Variants in MARCHF1 observed in about 807,000 individuals in gnomAD.
MARCHF1 encodes E3 ubiquitin-protein ligase MARCHF1.
In MARCHF1, 40 loss-of-function variants were observed where a neutral mutation model predicts 54.2. The ratio of observed to expected loss-of-function variants is 0.74; its 90% CI spans 0.57 to 0.96. The LOEUF (loss-of-function observed/expected upper bound fraction) is 0.96. MARCHF1 is among the 40% of genes least tolerant of loss of function. The pLI is 0.00. For missense variants in MARCHF1, 586 were observed against 656.5 expected (o/e 0.89, Z 1.17); for synonymous variants, 236 against 236.3 (o/e 1.00, Z 0.01).
intron 1 of MARCHF1, among the ~76,000 whole-genome samples, chr4:164,161,067 C>T (rs1368402078): frequency 6.6e-6 from 1 of 152,082 alleles, no homozygotes; most frequent in Non-Finnish European, 1.5e-5. Flanking sequence ...GGATGTGTGT[C>T]CCCTCCAAAT....
At chr4:163,632,338 G>A (rs920383144) in intron 5 of MARCHF1, among the ~76,000 whole-genome samples, 1 of 152,172 alleles carries the variant, frequency 6.6e-6, no homozygotes, top group African/African-American at 2.4e-5. Context: ...GAGGTACCGG[G>A]TTCATCTCAC....
intron 4 of MARCHF1, among the ~76,000 whole-genome samples, chr4:163,822,149 G>A (rs1457898406): frequency 6.6e-6 from 1 of 151,656 alleles, no homozygotes; most frequent in Non-Finnish European, 1.5e-5. Context: ...TGATTTCTAA[G>A]TTGAGAACCT....
chr4:163,914,919 G>A (rs556513985), intron 3 of MARCHF1, among the ~76,000 whole-genome samples: 11 of 152,198 alleles, frequency 7.2e-5, no homozygotes, highest in East Asian at 3.9e-4. Flanking sequence ...TCGAGCTGCC[G>A]TGTTTTATAA....
intron 1 of MARCHF1, among the ~76,000 whole-genome samples, chr4:164,333,379 C>T (rs978071254): frequency 6.6e-6 from 1 of 152,098 alleles, no homozygotes; most frequent in South Asian, 2.1e-4. Context: ...CTATCAGCAC[C>T]ATTTTTCAAA....
Position 164,101,775 on chromosome 4 carries a change from C to T in MARCHF1, c.-248+9813G>A, listed in dbSNP as rs975280182. 2.0e-3 allele frequency among the ~76,000 whole-genome samples: 299 copies of T among 148,570 alleles called. 1 individual carries two copies. Among genetic ancestry groups the T allele is most frequent in the African/African-American group, 6.7e-3 (273 of 40,732 alleles). ...AAAGCTGGATGGAGAATGACTTTGACGAGCTGAGAGAAGAAGGCTTCAGAC... is the reference window on the plus strand; with the variant it reads ...AAAGCTGGATGGAGAATGACTTTGATGAGCTGAGAGAAGAAGGCTTCAGAC... On this transcript the variant is annotated intron_variant, in intron 2 of 9. Transcript: ENST00000514618.
intron 3 of MARCHF1, among the ~76,000 whole-genome samples, chr4:163,951,882 A>G (rs1560833336): frequency 6.6e-6 from 1 of 152,198 alleles, no homozygotes; most frequent in Non-Finnish European, 1.5e-5. Flanking sequence ...GACAGTCCCC[A>G]GATTACCATT....
intron 8 of MARCHF1, among the ~76,000 whole-genome samples, chr4:163,574,791 G>A (rs1037297386): frequency 3.3e-5 from 5 of 151,794 alleles, no homozygotes; most frequent in African/African-American, 7.3e-5. Context: ...TTGACTTGGC[G>A]ATGCGGGCTC....
chr4:163,843,448 CCA>C (rs1749396568), intron 4 of MARCHF1, among the ~76,000 whole-genome samples: 1 of 152,072 alleles, frequency 6.6e-6, no homozygotes, highest in Non-Finnish European at 1.5e-5. Context: ...ACACTGCTTA[CCA>C]CAGTGGCTAA....
At chr4:163,872,973 G>A (rs1750204562) in intron 3 of MARCHF1, among the ~76,000 whole-genome samples, 1 of 152,092 alleles carries the variant, frequency 6.6e-6, no homozygotes, top group Non-Finnish European at 1.5e-5. Flanking sequence ...GAACCCTGGA[G>A]GCGGAGCTTG....
intron 4 of MARCHF1, among the ~76,000 whole-genome samples, chr4:163,805,060 A>G (rs963019947): frequency 1.3e-5 from 2 of 152,142 alleles, no homozygotes; most frequent in African/African-American, 4.8e-5. Context: ...CATGAAGGCA[A>G]GATAGAATTC....
chr4:163,760,382 AAC>A (rs753041470), intron 4 of MARCHF1, among the ~76,000 whole-genome samples: 1 of 152,232 alleles, frequency 6.6e-6, no homozygotes, highest in Admixed American at 6.5e-5. Flanking sequence ...GCCATAAGAT[AAC>A]ACAGTCACAA....
At chr4:163,638,951 GTCTAT>G in intron 5 of MARCHF1, among the ~76,000 whole-genome samples, 1 of 152,050 alleles carries the variant, frequency 6.6e-6, no homozygotes, top group Non-Finnish European at 1.5e-5. Flanking sequence ...TCACATATAA[GTCTAT>G]GATTTTACTT....
chr4:164,229,120 G>C (rs565438367), intron 1 of MARCHF1, among the ~76,000 whole-genome samples: 1 of 152,120 alleles, frequency 6.6e-6, no homozygotes, highest in Non-Finnish European at 1.5e-5. Flanking sequence ...TTTATCAACG[G>C]AAGTATTACC....
chr4:164,322,577 A>G (rs1335951772), intron 1 of MARCHF1, among the ~76,000 whole-genome samples: 3 of 152,050 alleles, frequency 2.0e-5, no homozygotes, highest in Non-Finnish European at 4.4e-5. Context: ...ATGTAACTGA[A>G]TTGTTTGTAA....
chr4:164,157,559 T>C lies in MARCHF1; in HGVS notation c.-322-45897A>G, dbSNP rs184979875. On this transcript the variant is annotated intron_variant, in intron 1 of 9. Transcript: ENST00000514618. ...ATGCTGTTTTGCAGTTCTGGAAGCT[T>C]GAAATCAAGATGTCAGCAGGGCCAC... is the stretch of plus-strand genomic sequence containing the variant. 6.2e-4 allele frequency among the ~76,000 whole-genome samples: 95 copies of C among 152,260 alleles called. 1 individual carries two copies. Among genetic ancestry groups the C allele is most frequent in the Non-Finnish European group, 1.2e-3 (84 of 68,030 alleles).
At chr4:163,892,039 ACCT>A (rs1750672720) in intron 3 of MARCHF1, among the ~76,000 whole-genome samples, 1 of 152,118 alleles carries the variant, frequency 6.6e-6, no homozygotes. Context: ...CAAATTGAAA[ACCT>A]CAGCTCACTG....
intron 1 of MARCHF1, among the ~76,000 whole-genome samples, chr4:164,316,974 TGA>T (rs1184654735): frequency 6.6e-6 from 1 of 152,182 alleles, no homozygotes; most frequent in Non-Finnish European, 1.5e-5. Context: ...TGCAAAACCA[TGA>T]GCCAATTAAG....
intron 8 of MARCHF1, among the ~76,000 whole-genome samples, chr4:163,564,748 T>C (rs1211544130): frequency 2.0e-5 from 3 of 152,222 alleles, no homozygotes; most frequent in Non-Finnish European, 4.4e-5. Flanking sequence ...AATAAGGATC[T>C]TAAGGAAGCC....
Position 164,167,568 on chromosome 4 carries a change from T to TA in MARCHF1, c.-322-55907dup, listed in dbSNP as rs11285273. On this transcript the variant is annotated intron_variant, in intron 1 of 9. Transcript: ENST00000514618. Reference sequence around the variant, plus strand: ...TAGTAATTTAAAAAGTATAGTATTGTAAAAAAAAGACACAAAGGCCAATAG... The same window carrying TA: ...TAGTAATTTAAAAAGTATAGTATTGTAAAAAAAAAGACACAAAGGCCAATAG... Among the ~76,000 whole-genome samples the TA allele has an allele frequency of 1.0e-2, 1,507 of 150,868 alleles. 13 individuals are homozygous for TA. The highest frequency in any genetic ancestry group is 0.016 in the Non-Finnish European group (1,056 of 67,514).
Sources: gnomAD v4.1 joint callset for allele counts (sites outside exome capture counted in the v4.1 genomes callset) on GRCh38, gnomAD v4.1.1 for gene constraint, MANE v1.5 for transcripts, NCBI Gene and HGNC (gene_info 2026-07-23, HGNC 2026-07-21) for gene names.